The following NUP210 variants were observed in gnomAD, a reference collection of about 807,000 sequenced individuals.
NUP210 encodes nuclear pore membrane glycoprotein 210.
A neutral mutation model predicts 196.0 loss-of-function variants in NUP210; 151 were observed. The ratio of observed to expected loss-of-function variants is 0.77; its 90% CI spans 0.67 to 0.88. The LOEUF (loss-of-function observed/expected upper bound fraction) is 0.88. NUP210 is among the 40% of genes least tolerant of loss of function. The pLI is 0.00. For synonymous variants in NUP210, 1,070 were observed against 1,052.7 expected (o/e 1.02, Z -0.32); for missense variants, 2,314 against 2,493.7 (o/e 0.93, Z 1.53).
intron 4 of NUP210, among the ~76,000 whole-genome samples, chr3:13,390,495 G>T (rs950987437): frequency 6.6e-6 from 1 of 152,264 alleles, no homozygotes; most frequent in Admixed American, 6.5e-5. Context: ...ATGTGGCAGT[G>T]CAGTGAGCCA....
chr3:13,336,987 T>C, intron 26 of NUP210, 69 bp from the exon 27 acceptor site: 2 of 1,594,746 alleles, frequency 1.3e-6, no homozygotes, highest in South Asian at 2.2e-5. Context: ...GAAGCTTTGC[T>C]GCCTCCTTCA....
intron 29 of NUP210, among the ~76,000 whole-genome samples, chr3:13,331,910 G>A (rs1057310036): frequency 5.3e-5 from 8 of 152,120 alleles, no homozygotes; most frequent in Non-Finnish European, 4.4e-5. Flanking sequence ...GCAGGTCTGG[G>A]GTGGGGCTTG....
rs1447687760 is a variant in NUP210 at position 13,317,157 on chromosome 3, G to A, written c.*524C>T. On this transcript the variant is annotated 3_prime_UTR_variant, in exon 40 of 40. Coordinates refer to ENST00000254508, the MANE Select transcript of NUP210 (RefSeq NM_024923.4). ...CTTGCGGCAGTGGCGCAGATACAGGGACACTCATGTCCCATTGCTCCTCAG... is the reference window on the plus strand; with the variant it reads ...CTTGCGGCAGTGGCGCAGATACAGGAACACTCATGTCCCATTGCTCCTCAG... 4 of 158,084 alleles carry A rather than the reference G, an allele frequency of 2.5e-5. No individual in the cohort carries two copies. Among genetic ancestry groups the A allele is most frequent in the African/African-American group, 7.2e-5 (3 of 41,476 alleles). 9.8% of individuals were successfully genotyped at this position (158,084 alleles called of 1,614,324 possible).
intron 31 of NUP210, 61 bp from the exon 32 acceptor site, chr3:13,327,498 G>T: frequency 8.1e-7 from 1 of 1,233,948 alleles, no homozygotes; most frequent in South Asian, 1.3e-5. Context: ...AACTCCCAAA[G>T]GGAGAAACGT....
At chr3:13,386,059 A>G (rs1285701546) in intron 6 of NUP210, among the ~76,000 whole-genome samples, 2 of 152,198 alleles carry the variant, frequency 1.3e-5, no homozygotes, top group Admixed American at 1.3e-4. Flanking sequence ...GGTGAAGGGG[A>G]GTTAGTGTTT....
At position 13,340,844 on chromosome 3, in the gene NUP210, G is replaced by A. The variant is rs1697453068; in HGVS notation, c.3229-546C>T. On this transcript the variant is annotated intron_variant, in intron 23 of 39. Transcript: ENST00000254508. The surrounding 1 kb of genome is among the most constrained non-coding windows in gnomAD (Gnocchi z 4.0). Reference sequence around the variant, plus strand: ...GGTGCCACTCTTTGCAGCAGGTGAAGCCCCCACCTGCTCCTCCTGAAACCC... The same window carrying A: ...GGTGCCACTCTTTGCAGCAGGTGAAACCCCCACCTGCTCCTCCTGAAACCC... Among the ~76,000 whole-genome samples, 1 of 152,134 alleles carries A rather than the reference G, an allele frequency of 6.6e-6. No homozygotes were observed. The highest frequency in any genetic ancestry group is 2.4e-5 in the African/African-American group (1 of 41,430).
Position 13,317,760 on chromosome 3 carries a change from G to A in NUP210, c.5585C>T (p.Thr1862Ile). ...SPHYFAASSP[T>I]SPNALPPARK... Reference sequence around the variant, plus strand: ...AGCAGGAGGCAATGCATTGGGAGATGTGGGTGATGAGGCAGCGAAATCTAG... The same window carrying A: ...AGCAGGAGGCAATGCATTGGGAGATATGGGTGATGAGGCAGCGAAATCTAG... Residue 1862 changes from threonine to isoleucine, a missense_variant, in exon 40 of 40, where the codon ACA (threonine) becomes ATA (isoleucine). Transcript: ENST00000254508. 2 of 1,611,268 alleles carry A rather than the reference G, an allele frequency of 1.2e-6. No individual in the cohort carries two copies. Among genetic ancestry groups the A allele is most frequent in the South Asian group, 1.1e-5 (1 of 90,262 alleles).
At chr3:13,404,977 AG>A (rs2124954116) in intron 1 of NUP210, among the ~76,000 whole-genome samples, 1 of 152,332 alleles carries the variant, frequency 6.6e-6, no homozygotes, top group African/African-American at 2.4e-5. Flanking sequence ...AAGAGAGGTG[AG>A]GGCAGGCAGG....
At chr3:13,366,516 CT>C (rs58529748) in intron 13 of NUP210, among the ~76,000 whole-genome samples, 51,889 of 110,468 alleles carry the variant, frequency 0.47, 10,549 homozygotes, top group African/African-American at 0.55. Context: ...TGATTTCTTT[CT>C]TTTTTTTTTT....
chr3:13,417,935 T>C (rs1357810910), intron 1 of NUP210, among the ~76,000 whole-genome samples: 1 of 152,222 alleles, frequency 6.6e-6, no homozygotes, highest in Non-Finnish European at 1.5e-5. Context: ...AAAGTGTTGT[T>C]AGTTTAGAAA....
intron 12 of NUP210, 106 bp from the exon 13 acceptor site, chr3:13,372,138 TC>T: frequency 9.3e-7 from 1 of 1,072,430 alleles, no homozygotes; most frequent in Non-Finnish European, 1.3e-6. Flanking sequence ...TGAGGATACA[TC>T]TGTGAGAAGC....
chr3:13,398,795 G>A (rs1235736709), intron 2 of NUP210, among the ~76,000 whole-genome samples: 1 of 152,132 alleles, frequency 6.6e-6, no homozygotes, highest in Non-Finnish European at 1.5e-5. Flanking sequence ...ATGGTGGCAT[G>A]CACCTGTGGT....
chr3:13,349,828 G>A (rs1219767875), intron 20 of NUP210, among the ~76,000 whole-genome samples: 1 of 152,232 alleles, frequency 6.6e-6, no homozygotes, highest in South Asian at 2.1e-4. Context: ...CCTGGGAGGT[G>A]TGGGCTACAC....
chr3:13,379,573 A>T lies in NUP210; in HGVS notation c.966T>A (p.Leu322=), dbSNP rs1202256465. The change falls in exon 7 of 40, where the codon CTT becomes CTA. Residue 322 remains leucine (L), a synonymous_variant. Transcript: ENST00000254508. This position sits in a 1 kb window ranked among gnomAD's most constrained non-coding sequence, Gnocchi z 4.2. ...ALQLGQSSLV[L]GHRSIRMQGA... Reference sequence around the variant, plus strand: ...CCAAGAAAAGGATATTCCTGTGGCCAAGGACGAGGCTGCTCTGTCCCAGCT... The same window carrying T: ...CCAAGAAAAGGATATTCCTGTGGCCTAGGACGAGGCTGCTCTGTCCCAGCT... 1 of 1,614,184 alleles carries T rather than the reference A, an allele frequency of 6.2e-7. No homozygotes were observed. The highest frequency in any genetic ancestry group is 8.5e-7 in the Non-Finnish European group (1 of 1,180,022).
Position 13,343,226 on chromosome 3 carries a change from A to G in NUP210, c.2913T>C (p.Ala971=). 2 of 1,613,656 alleles carry G rather than the reference A, an allele frequency of 1.2e-6. No homozygotes were observed. The highest frequency in any genetic ancestry group is 1.7e-6 in the Non-Finnish European group (2 of 1,179,774). Residue 971 remains alanine (A), a synonymous_variant, in exon 21 of 40, where the codon GCT becomes GCC. Coordinates refer to ENST00000254508, the MANE Select transcript of NUP210 (RefSeq NM_024923.4). ...CCTGAATGTCCGACACGTAAACGAC[A>G]GCCTTGGCTGGGGCCGGGAAGACGA... ...LCLVFPAPAK[A]VVYVSDIQEL...
intron 1 of NUP210, among the ~76,000 whole-genome samples, chr3:13,411,223 A>C (rs1403330891): frequency 6.6e-6 from 1 of 152,140 alleles, no homozygotes; most frequent in Non-Finnish European, 1.5e-5. Flanking sequence ...TAGAGCAAGA[A>C]TCTGTCTCAG....
chr3:13,342,147 A>G, intron 21 of NUP210, 24 bp from the exon 22 acceptor site: 1 of 1,613,480 alleles, frequency 6.2e-7, no homozygotes. Flanking sequence ...ACAGAGGTTC[A>G]GGGGCAGCCT....
rs1398499186 is a variant in NUP210, at chr3:13,327,254, G to A, written c.4470C>T (p.Asp1490=). The A allele has an allele frequency of 5.0e-6, 8 of 1,613,308 alleles. No homozygotes were observed. The highest frequency in any genetic ancestry group is 3.3e-5 in the South Asian group (3 of 91,076). The change falls in exon 32 of 40, where the codon GAC becomes GAT. Residue 1490 remains aspartate, a synonymous_variant. Transcript: ENST00000254508. ...PELSGAMVVG[D]VLCLATVLTS... is the part of the protein sequence containing the mutation. ...TCAGAACAGTGGCCAGACAGAGCAC[G>A]TCCCCCACCACCATGGCCCCAGACA...
At chr3:13,359,536 C>T (rs1047641823) in intron 15 of NUP210, among the ~76,000 whole-genome samples, 1 of 152,162 alleles carries the variant, frequency 6.6e-6, no homozygotes, top group African/African-American at 2.4e-5. Flanking sequence ...CATTCTTTGC[C>T]CTGCACACAT....
Sources: allele counts gnomAD v4.1 joint callset (sites outside exome capture counted in the v4.1 genomes callset), GRCh38; gene constraint gnomAD v4.1.1; non-coding constraint Gnocchi (gnomAD v3.1); transcripts MANE v1.5; gene names NCBI Gene and HGNC (gene_info 2026-07-23, HGNC 2026-07-21).